DNAH11: variants seen among roughly 807,000 people sequenced by gnomAD.
The protein encoded by DNAH11 is axonemal beta dynein heavy chain 11.
A neutral mutation model predicts 526.0 loss-of-function variants in DNAH11; 442 were observed. The observed-to-expected ratio is 0.84, with a 90% CI of 0.78 to 0.91. The LOEUF is 0.91. DNAH11 is among the 40% of genes least tolerant of loss of function. The probability of loss-of-function intolerance (pLI) is 0.00; values close to 1 mark genes in which losing one functional copy is unlikely to be tolerated. For missense variants in DNAH11, 6,989 were observed against 5,448.7 expected, an observed-to-expected ratio of 1.28 and a Z score of -8.90; for synonymous variants, 2,461 against 1,935.9, an observed-to-expected ratio of 1.27 and a Z score of -7.12.
chr7:21,543,399 A>C lies in DNAH11; in HGVS notation c.154A>C (p.Ser52Arg). Reference protein sequence around the residue: ...EEEAAARRARSFAQDARVRFL... With the variant: ...EEEAAARRARRFAQDARVRFL... ...GGAGGCGGCGGCCAGGAGAGCGCGG[A>C]GTTTCGCCCAAGACGCGCGGGTGCG... is the stretch of plus-strand genomic sequence containing the variant. Residue 52 changes from serine (S) to arginine (R), a missense_variant, in exon 1 of 82, where the codon AGT becomes CGT. Transcript: ENST00000409508. 6.4e-7 allele frequency: 1 copy of C among 1,552,994 alleles called. No individual in the cohort carries two copies. The highest frequency in any genetic ancestry group is 8.7e-7 in the Non-Finnish European group (1 of 1,147,602).
chr7:21,564,585 A>G (rs1185403473), intron 6 of DNAH11, among the ~76,000 whole-genome samples, 188 bp downstream of exon 6: 2 of 152,226 alleles, frequency 1.3e-5, no homozygotes, highest in African/African-American at 4.8e-5. Flanking sequence ...TATGAAAATA[A>G]GTCAGACATA....
intron 81 of DNAH11, chr7:21,900,795 C>T (rs1784768115): frequency 7.0e-6 from 4 of 567,438 alleles, no homozygotes; most frequent in East Asian, 3.4e-5. Context: ...AAAGTTTAAC[C>T]ACTACGCATG....
At position 21,647,236 on chromosome 7, in the gene DNAH11, T is replaced by C. The variant is rs1325392879; in HGVS notation, c.4944+8171T>C. 4.0e-5 allele frequency among the ~76,000 whole-genome samples: 6 copies of C among 151,888 alleles called. No individual in the cohort carries two copies. The East Asian group carries it at 7.7e-4, about 20-fold the overall frequency. On this transcript the variant is annotated intron_variant, in intron 28 of 81. Coordinates refer to ENST00000409508, the MANE Select transcript of DNAH11 (RefSeq NM_001277115.2). Reference sequence around the variant, plus strand: ...GTGTAAATTCACAGACTTAAGAAATTTAATGAGCCCAAACACAAAAAAAGA... The same window carrying C: ...GTGTAAATTCACAGACTTAAGAAATCTAATGAGCCCAAACACAAAAAAAGA...
At chr7:21,797,453 A>G (rs568591642) in intron 61 of DNAH11, among the ~76,000 whole-genome samples, 2 of 151,868 alleles carry the variant, frequency 1.3e-5, no homozygotes, top group East Asian at 3.9e-4. Context: ...TCGTGACCTC[A>G]GGTGATCCGC....
At chr7:21,695,122 T>A (rs1049240335) in intron 35 of DNAH11, among the ~76,000 whole-genome samples, 3 of 152,220 alleles carry the variant, frequency 2.0e-5, no homozygotes, top group African/African-American at 7.2e-5. Flanking sequence ...AAGCATTCCA[T>A]GCTCATGGAT....
At chr7:21,726,930 C>CTTTTCTTTTTT (rs1785139497) in intron 45 of DNAH11, among the ~76,000 whole-genome samples, 1 of 27,138 alleles carries the variant, frequency 3.7e-5, no homozygotes. Flanking sequence ...TCTGCATCCT[C>CTTTTCTTTTTT]TTTTCTTTTT....
In DNAH11 at chr7:21,601,037, C is replaced by G. The variant is rs778577376; in HGVS notation, c.3283C>G (p.Gln1095Glu). 6.2e-7 allele frequency: 1 copy of G among 1,611,874 alleles called. No individual in the cohort carries two copies. The highest frequency in any genetic ancestry group is 1.1e-5 in the South Asian group (1 of 90,208). ...QIDIYEALYV[Q>E]MSKFEDFRVF... ...TGACATTTATGAAGCTTTGTATGTTCAAATGAGCAAATTTGAGGACTTTAG... is the reference window on the plus strand; with the variant it reads ...TGACATTTATGAAGCTTTGTATGTTGAAATGAGCAAATTTGAGGACTTTAG... The change falls in exon 17 of 82, where the codon CAA (glutamine) becomes GAA (glutamate). Residue 1095 changes from glutamine (Q) to glutamate (E), a missense_variant. Gln to Glu is a conservative substitution (Grantham distance 29). Transcript: ENST00000409508.
At chr7:21,777,425 C>T (rs886797222) in intron 56 of DNAH11, among the ~76,000 whole-genome samples, 1 of 151,724 alleles carries the variant, frequency 6.6e-6, no homozygotes, top group Non-Finnish European at 1.5e-5. Flanking sequence ...CATAAATCCA[C>T]AAACAACCAA....
chr7:21,705,745 AAT>A (rs1389840828), intron 39 of DNAH11, among the ~76,000 whole-genome samples: 1 of 152,168 alleles, frequency 6.6e-6, no homozygotes, highest in Admixed American at 6.5e-5. Context: ...ACAAGAAACA[AAT>A]AGAGGATTGC....
intron 25 of DNAH11, 62 bp from the exon 26 acceptor site, chr7:21,635,809 C>T: frequency 7.4e-6 from 10 of 1,354,338 alleles, no homozygotes; most frequent in Non-Finnish European, 1.0e-5. Flanking sequence ...TAGTGCCTCC[C>T]TCATAGCACT....
chr7:21,622,546 A>G (rs1036912177), intron 25 of DNAH11, among the ~76,000 whole-genome samples: 9 of 152,228 alleles, frequency 5.9e-5, no homozygotes, highest in African/African-American at 1.9e-4. Flanking sequence ...GCCTGGAGTC[A>G]TCACACTACC....
rs190021056 is a variant in DNAH11 at position 21,618,087 on chromosome 7, C to T, written c.4254+310C>T. 2.8e-3 allele frequency: 579 copies of T among 209,942 alleles called. 3 individuals carry two copies. The highest frequency in any genetic ancestry group is 0.013 in the African/African-American group (554 of 43,936). 13.0% of individuals were successfully genotyped at this position (209,942 alleles called of 1,614,324 possible). On this transcript the variant is annotated intron_variant, in intron 23 of 81. Coordinates refer to ENST00000409508, the MANE Select transcript of DNAH11 (RefSeq NM_001277115.2). ...ACAACTAATCAGGGTGGCCCTATTA[C>T]TCATCTCTCCTCATTCTTTCTCAAG... is the stretch of plus-strand genomic sequence containing the variant.
At chr7:21,733,611 G>A (rs1485752694) in intron 45 of DNAH11, among the ~76,000 whole-genome samples, 1 of 152,170 alleles carries the variant, frequency 6.6e-6, no homozygotes, top group African/African-American at 2.4e-5. Flanking sequence ...ATGATATCTT[G>A]TATTCAACAG....
At chr7:21,606,779 T>G in intron 20 of DNAH11, 46 bp downstream of exon 20, 1 of 1,468,924 alleles carries the variant, frequency 6.8e-7, no homozygotes, top group Non-Finnish European at 9.3e-7. Context: ...ATAGCTACTT[T>G]AAAAAATGTA....
chr7:21,601,967 C>CT (rs537539612), intron 18 of DNAH11, among the ~76,000 whole-genome samples: 34 of 148,370 alleles, frequency 2.3e-4, no homozygotes, highest in Middle Eastern at 3.5e-3. Flanking sequence ...TATATCCATA[C>CT]TTTTTTTTTT....
chr7:21,846,206 T>G (rs974644097), intron 66 of DNAH11, among the ~76,000 whole-genome samples: 3 of 152,180 alleles, frequency 2.0e-5, no homozygotes, highest in African/African-American at 7.2e-5. Flanking sequence ...TCCTTCCCAT[T>G]CCATATACCT....
At chr7:21,731,240 A>G (rs147160939) in intron 45 of DNAH11, among the ~76,000 whole-genome samples, 66 of 152,312 alleles carry the variant, frequency 4.3e-4, no homozygotes, top group African/African-American at 1.6e-3. Context: ...GGTTATACAC[A>G]ATAAATACAT....
At chr7:21,870,378 G>A (rs1308347960) in intron 73 of DNAH11, among the ~76,000 whole-genome samples, 2 of 152,170 alleles carry the variant, frequency 1.3e-5, no homozygotes, top group Non-Finnish European at 2.9e-5. Flanking sequence ...GTAACCTTCT[G>A]GGATGATGAT....
chr7:21,738,068 T>G (rs1038748668), intron 46 of DNAH11, among the ~76,000 whole-genome samples: 1 of 152,322 alleles, frequency 6.6e-6, no homozygotes, highest in East Asian at 1.9e-4. Flanking sequence ...ATAGTCTGTT[T>G]GGAGAGTCAA....
Sources: allele counts gnomAD v4.1 joint callset (sites outside exome capture counted in the v4.1 genomes callset), GRCh38; gene constraint gnomAD v4.1.1; transcripts MANE v1.5; gene names NCBI Gene and HGNC (gene_info 2026-07-23, HGNC 2026-07-21).